The following HHLA2 variants were observed in gnomAD, a reference collection of about 807,000 sequenced individuals.
HHLA2 encodes HHLA2 member of B7 family.
A neutral mutation model predicts 45.9 loss-of-function variants in HHLA2; 48 were observed. The ratio of observed to expected loss-of-function variants is 1.05; its 90% confidence interval spans 0.83 to 1.33. The LOEUF (loss-of-function observed/expected upper bound fraction) is 1.33, where lower values mean the gene tolerates loss of function less well. Ranked by LOEUF, HHLA2 falls within the 40% of genes most tolerant of loss-of-function variation. HHLA2 has a pLI of 0.00. For synonymous variants in HHLA2, 161 were observed against 173.9 expected (o/e 0.93, Z 0.59); for missense variants, 462 against 494.3 (o/e 0.93, Z 0.62).
chr3:108,331,400 C>T (rs1239877790), intron 3 of HHLA2, among the ~76,000 whole-genome samples: 3 of 152,120 alleles, frequency 2.0e-5, no homozygotes, highest in Non-Finnish European at 4.4e-5. Context: ...CCATTTTCTC[C>T]TCATATACAT....
At chr3:108,358,469 C>T (rs1283830225) in intron 7 of HHLA2, among the ~76,000 whole-genome samples, 1 of 152,102 alleles carries the variant, frequency 6.6e-6, no homozygotes, top group East Asian at 1.9e-4. Context: ...ACTGCTGTGC[C>T]TAATATATAC....
intron 2 of HHLA2, among the ~76,000 whole-genome samples, chr3:108,315,118 C>T (rs908582326): frequency 6.6e-6 from 1 of 152,216 alleles, no homozygotes; most frequent in Non-Finnish European, 1.5e-5. Flanking sequence ...CAGAGGCTCT[C>T]ACCCTGTGGA....
intron 3 of HHLA2, among the ~76,000 whole-genome samples, chr3:108,350,756 C>G (rs2081761392): frequency 6.6e-6 from 1 of 152,170 alleles, no homozygotes; most frequent in African/African-American, 2.4e-5. Flanking sequence ...ACAATCTCGC[C>G]TCACTGCAAC....
rs544394870 is a variant in HHLA2, at chr3:108,349,947, A to G, written c.-26-1841A>G. 5.9e-5 allele frequency among the ~76,000 whole-genome samples: 9 copies of G among 152,318 alleles called. No individual in the cohort carries two copies. The East Asian group carries it at 9.6e-4, about 16-fold the overall frequency. ...CAAGACAATGGACATGGAATGTTTC[A>G]GGGTTACGTTAAACAAGGTGAATTT... On this transcript the variant is annotated intron_variant, in intron 3 of 10. Transcript: ENST00000619531.
chr3:108,325,849 C>A (rs986696411), intron 2 of HHLA2: 5 of 380,968 alleles, frequency 1.3e-5, no homozygotes, highest in Admixed American at 1.2e-4. Flanking sequence ...GACCACCACT[C>A]ACATCTCTAG....
chr3:108,363,803 T>C (rs1219480521), intron 8 of HHLA2, among the ~76,000 whole-genome samples: 4 of 152,128 alleles, frequency 2.6e-5, no homozygotes, highest in Non-Finnish European at 5.9e-5. Context: ...TGAAAACACA[T>C]GGCACACTCA....
intron 2 of HHLA2, chr3:108,328,200 G>A (rs1399754473): frequency 1.5e-6 from 1 of 674,248 alleles, no homozygotes; most frequent in African/African-American, 1.9e-5. Flanking sequence ...AAGGGAATTT[G>A]TTTTTATTTT....
At chr3:108,342,513 C>T (rs1260572080) in intron 3 of HHLA2, among the ~76,000 whole-genome samples, 1 of 152,144 alleles carries the variant, frequency 6.6e-6, no homozygotes, top group African/African-American at 2.4e-5. Context: ...GATCCACCCA[C>T]CTCTGCCTCC....
At chr3:108,332,027 A>G (rs1375735322) in intron 3 of HHLA2, among the ~76,000 whole-genome samples, 3 of 152,170 alleles carry the variant, frequency 2.0e-5, no homozygotes, top group African/African-American at 7.2e-5. Context: ...AAGACGTGGC[A>G]TTTCTGTAGA....
In HHLA2 at chr3:108,353,907, C is replaced by T. The variant is rs111813181; in HGVS notation, c.418+127C>T. On this transcript the variant is annotated intron_variant, in intron 5 of 10. Transcript: ENST00000619531. ...TACATGGAAATCTACTTATTTTTAA[C>T]GCACAGCAACTTGTAGTATACTAAT... 382 of 671,012 alleles carry T rather than the reference C, an allele frequency of 5.7e-4. 1 individual carries two copies. In the African/African-American group the frequency reaches 5.8e-3, roughly 10 times the overall value. The allele number at this position is 671,012 out of a possible 1,614,324, so 41.6% of individuals were successfully genotyped here. A position where few individuals can be genotyped will look rare whatever the true frequency, so the allele number is the denominator to read the frequency against.
At chr3:108,315,093 C>A (rs1471326962) in intron 2 of HHLA2, among the ~76,000 whole-genome samples, 1 of 152,172 alleles carries the variant, frequency 6.6e-6, no homozygotes, top group Non-Finnish European at 1.5e-5. Flanking sequence ...TTTGTACCCA[C>A]GTTAAGCATT....
At chr3:108,356,403 C>CT (rs1212944776) in intron 6 of HHLA2, among the ~76,000 whole-genome samples, 6 of 151,070 alleles carry the variant, frequency 4.0e-5, no homozygotes, top group East Asian at 1.9e-4. Context: ...TGGAGGTTAT[C>CT]TTTTTTTTTC....
chr3:108,346,863 G>C (rs1272711842), intron 3 of HHLA2, among the ~76,000 whole-genome samples: 1 of 152,182 alleles, frequency 6.6e-6, no homozygotes, highest in African/African-American at 2.4e-5. Context: ...AGATGGGTAT[G>C]GGGGAGCTGT....
chr3:108,301,992 C>A (rs2080858244), intron 1 of HHLA2, among the ~76,000 whole-genome samples: 1 of 152,100 alleles, frequency 6.6e-6, no homozygotes. Context: ...TTGATATTCT[C>A]ATTTTAGAAG....
At chr3:108,331,738 T>A (rs2081389963) in intron 3 of HHLA2, among the ~76,000 whole-genome samples, 1 of 152,162 alleles carries the variant, frequency 6.6e-6, no homozygotes, top group Non-Finnish European at 1.5e-5. Flanking sequence ...TGATTGAAGA[T>A]CTAATCAAAG....
At chr3:108,337,127 T>C (rs968477036) in intron 3 of HHLA2, among the ~76,000 whole-genome samples, 4 of 152,178 alleles carry the variant, frequency 2.6e-5, no homozygotes, top group Non-Finnish European at 4.4e-5. Context: ...TGGTTCATGA[T>C]GAGAGAAATG....
In HHLA2 at chr3:108,334,511, G is replaced by A. The variant is rs1395214677; in HGVS notation, c.-27+6164G>A. Among the ~76,000 whole-genome samples, 4 of 152,140 alleles carry A rather than the reference G, an allele frequency of 2.6e-5. No homozygotes were observed. The South Asian group carries it at 8.3e-4, about 32-fold the overall frequency. On this transcript the variant is annotated intron_variant, in intron 3 of 10. Coordinates refer to ENST00000619531, the Ensembl canonical transcript of HHLA2. ...ATTACTGCCACTTGGCTCTCCTATT[G>A]TAATAGACTTTTTGAAAAAGGATGG...
intron 3 of HHLA2, among the ~76,000 whole-genome samples, chr3:108,338,107 CTA>C (rs968390756): frequency 3.3e-5 from 5 of 151,078 alleles, no homozygotes; most frequent in African/African-American, 1.2e-4. Flanking sequence ...CGATACCTGT[CTA>C]TATATATAGA....
intron 3 of HHLA2, among the ~76,000 whole-genome samples, chr3:108,344,594 C>T (rs2081630079): frequency 6.6e-6 from 1 of 152,172 alleles, no homozygotes; most frequent in South Asian, 2.1e-4. Flanking sequence ...TCCAGAAGCA[C>T]TTGGTGTGCC....
Sources: gnomAD v4.1 joint callset for allele counts (sites outside exome capture counted in the v4.1 genomes callset) on GRCh38, gnomAD v4.1.1 for gene constraint, MANE v1.5 for transcripts, NCBI Gene and HGNC (gene_info 2026-07-23, HGNC 2026-07-21) for gene names.